The following PPP3CA variants were observed in gnomAD, a reference collection of about 807,000 sequenced individuals.
The protein encoded by PPP3CA is CAM-PRP catalytic subunit.
In PPP3CA, 14 loss-of-function variants were observed where a neutral mutation model predicts 66.5. The observed-to-expected ratio is 0.21, with a 90% CI of 0.14 to 0.33. PPP3CA has a LOEUF of 0.33. Ranked by LOEUF, PPP3CA falls within the 10% of genes least tolerant of loss-of-function variation. The pLI, the probability that PPP3CA is intolerant of heterozygous loss-of-function variation, is 1.00. For missense variants in PPP3CA, 317 were observed against 639.5 expected, an observed-to-expected ratio of 0.50 and a Z score of 5.44; for synonymous variants, 232 against 226.2, an observed-to-expected ratio of 1.03 and a Z score of -0.23.
intron 10 of PPP3CA, among the ~76,000 whole-genome samples, chr4:101,053,700 G>GGTGAC (rs1224798044): frequency 6.6e-6 from 1 of 151,992 alleles, no homozygotes; most frequent in Non-Finnish European, 1.5e-5. Flanking sequence ...TCCTGGAGGT[G>GGTGAC]GTGACTTTTT....
chr4:101,129,515 G>A (rs543748636), intron 2 of PPP3CA, among the ~76,000 whole-genome samples: 1 of 152,126 alleles, frequency 6.6e-6, no homozygotes, highest in Non-Finnish European at 1.5e-5. Context: ...GGCATCTGGT[G>A]GGTGCCCCTC....
At chr4:101,278,136 A>AATAAAAAT (rs1553937787) in intron 1 of PPP3CA, among the ~76,000 whole-genome samples, 3 of 145,840 alleles carry the variant, frequency 2.1e-5, no homozygotes, top group Admixed American at 6.7e-5. Context: ...AAAAAAAAAA[A>AATAAAAAT]AAATAAAAAA....
intron 10 of PPP3CA, among the ~76,000 whole-genome samples, chr4:101,046,967 T>C (rs1440167407): frequency 3.3e-5 from 5 of 152,218 alleles, no homozygotes; most frequent in African/African-American, 9.6e-5. Context: ...ACTTGTGTAA[T>C]TGGTCTTTAT....
intron 1 of PPP3CA, among the ~76,000 whole-genome samples, chr4:101,201,216 G>A (rs1724957282): frequency 6.6e-6 from 1 of 152,164 alleles, no homozygotes; most frequent in South Asian, 2.1e-4. Context: ...TTACTGGACA[G>A]TGGTATTCTA....
intron 12 of PPP3CA, among the ~76,000 whole-genome samples, chr4:101,030,529 T>C (rs574999257): frequency 6.6e-6 from 1 of 152,254 alleles, no homozygotes; most frequent in South Asian, 2.1e-4. Flanking sequence ...CCATATGTCT[T>C]TTATGTGTAT....
chr4:101,196,093 G>A lies in PPP3CA; in HGVS notation c.82C>T (p.Arg28Trp), dbSNP rs770562478. 5 of 1,613,734 alleles carry A rather than the reference G, an allele frequency of 3.1e-6. No homozygotes were observed. Among genetic ancestry groups the A allele is most frequent in the South Asian group, 1.1e-5 (1 of 91,060 alleles). The change falls in exon 2 of 14, where the codon CGG (arginine) becomes TGG (tryptophan). Residue 28 changes from arginine (R) to tryptophan (W), a missense_variant. Coordinates refer to ENST00000394854, the MANE Select transcript of PPP3CA (RefSeq NM_000944.5). ...VKAVPFPPSH[R>W]LTAKEVFDND... ...TCAAACACTTCTTTTGCTGTAAGCC[G>A]GTGACTTGGAGGAAATGGAACAGCT...
At chr4:101,068,155 G>A (rs544044805) in intron 8 of PPP3CA, among the ~76,000 whole-genome samples, 1 of 152,196 alleles carries the variant, frequency 6.6e-6, no homozygotes, top group African/African-American at 2.4e-5. Context: ...TCCACCTTCA[G>A]AAGATGGGAA....
At chr4:101,335,179 GT>G (rs1729585691) in intron 1 of PPP3CA, among the ~76,000 whole-genome samples, 1 of 152,108 alleles carries the variant, frequency 6.6e-6, no homozygotes, top group Non-Finnish European at 1.5e-5. Flanking sequence ...TGACACCATA[GT>G]TGGAAGCCAC....
At chr4:101,070,364 G>C (rs1193938927) in intron 8 of PPP3CA, among the ~76,000 whole-genome samples, 1 of 152,048 alleles carries the variant, frequency 6.6e-6, no homozygotes, top group African/African-American at 2.4e-5. Context: ...AGAAATCTGA[G>C]GGAAACATAA....
intron 1 of PPP3CA, among the ~76,000 whole-genome samples, chr4:101,277,736 T>A (rs913849705): frequency 2.6e-5 from 4 of 152,142 alleles, no homozygotes; most frequent in Non-Finnish European, 4.4e-5. Flanking sequence ...CCAAATCAAG[T>A]CAACAATATT....
chr4:101,256,167 T>C lies in PPP3CA; in HGVS notation c.59-60051A>G, dbSNP rs147036263. ...GTAACAAAGGTACATATATGAATTC[T>C]TAATAGAGATTTGCTATTAGCACAA... On this transcript the variant is annotated intron_variant, in intron 1 of 13. Transcript: ENST00000394854. Among the ~76,000 whole-genome samples, 13 of 152,064 alleles carry C rather than the reference T, an allele frequency of 8.5e-5. No homozygotes were observed. In the East Asian group the frequency reaches 1.9e-3, roughly 23 times the overall value.
At chr4:101,107,674 A>C (rs1721474006) in intron 3 of PPP3CA, among the ~76,000 whole-genome samples, 1 of 152,238 alleles carries the variant, frequency 6.6e-6, no homozygotes, top group African/African-American at 2.4e-5. Flanking sequence ...AGGTGAATTA[A>C]ATAACCGAAA....
intron 2 of PPP3CA, among the ~76,000 whole-genome samples, chr4:101,154,305 G>A (rs1723238464): frequency 6.6e-6 from 1 of 152,088 alleles, no homozygotes; most frequent in Admixed American, 6.5e-5. Context: ...ATAAAAAAGA[G>A]AAACATTTTC....
chr4:101,146,533 C>T (rs974913222), intron 2 of PPP3CA, among the ~76,000 whole-genome samples: 6 of 152,060 alleles, frequency 3.9e-5, no homozygotes, highest in African/African-American at 1.4e-4. Context: ...ACCTCCGCCT[C>T]CTGGGTTCAA....
intron 2 of PPP3CA, among the ~76,000 whole-genome samples, chr4:101,179,729 A>T (rs1311903605): frequency 2.0e-5 from 3 of 152,166 alleles, no homozygotes; most frequent in Non-Finnish European, 4.4e-5. Flanking sequence ...TACAAATTCT[A>T]AAAATATTTT....
chr4:101,206,075 G>C (rs920775685), intron 1 of PPP3CA, among the ~76,000 whole-genome samples: 1 of 152,162 alleles, frequency 6.6e-6, no homozygotes, highest in East Asian at 1.9e-4. Flanking sequence ...GTCTTTCCAC[G>C]TTTCAGTAAT....
At chr4:101,299,728 T>C (rs1002139965) in intron 1 of PPP3CA, among the ~76,000 whole-genome samples, 2 of 152,210 alleles carry the variant, frequency 1.3e-5, no homozygotes, top group Non-Finnish European at 2.9e-5. Flanking sequence ...ACCAAATATG[T>C]ACAGAGCCTC....
intron 1 of PPP3CA, among the ~76,000 whole-genome samples, chr4:101,344,757 A>C (rs1482724417): frequency 2.6e-5 from 4 of 152,232 alleles, no homozygotes; most frequent in African/African-American, 9.6e-5. Flanking sequence ...TCACCTGATG[A>C]CTTTACACCT....
At chr4:101,079,058 C>T (rs750426147) in intron 8 of PPP3CA, among the ~76,000 whole-genome samples, 5 of 152,118 alleles carry the variant, frequency 3.3e-5, no homozygotes, top group Admixed American at 2.0e-4. Context: ...TGTAAAAGAC[C>T]GTATGGCAAC....
Sources: gnomAD v4.1 joint callset for allele counts (sites outside exome capture counted in the v4.1 genomes callset) on GRCh38, gnomAD v4.1.1 for gene constraint, MANE v1.5 for transcripts, NCBI Gene and HGNC (gene_info 2026-07-23, HGNC 2026-07-21) for gene names.